FAM107A: variants seen among roughly 807,000 people sequenced by gnomAD.
FAM107A encodes the protein actin-associated protein FAM107A.
Under a neutral mutation model 13.7 loss-of-function variants are expected in FAM107A, and 19 were observed. That is an observed-to-expected ratio of 1.38 (90% confidence interval 0.97 to 2.03). The LOEUF (loss-of-function observed/expected upper bound fraction) is 2.03. Ranked by LOEUF, FAM107A falls within the 30% of genes most tolerant of loss-of-function variation. The pLI is 0.00. For synonymous variants in FAM107A, 82 were observed against 74.5 expected (o/e 1.10, Z -0.52); for missense variants, 203 against 184.4 (o/e 1.10, Z -0.58).
At chr3:58,620,878 T>C (rs1218378501) in intron 1 of FAM107A, among the ~76,000 whole-genome samples, 1 of 152,202 alleles carries the variant, frequency 6.6e-6, no homozygotes. Flanking sequence ...CTGTGCCCTT[T>C]CCTGCCTCCA....
chr3:58,615,327 C>G (rs2065891592), intron 1 of FAM107A, among the ~76,000 whole-genome samples: 1 of 152,094 alleles, frequency 6.6e-6, no homozygotes, highest in South Asian at 2.1e-4. Flanking sequence ...TGACATTTAG[C>G]TCAGTAAGTC....
Position 58,569,966 on chromosome 3 carries a change from T to C in FAM107A, c.-5-101A>G. The C allele has an allele frequency of 8.3e-7, 1 of 1,208,548 alleles. No homozygotes were observed. 74.9% of individuals were successfully genotyped at this position (1,208,548 alleles called of 1,614,324 possible). A position where few individuals can be genotyped will look rare whatever the true frequency, so the allele number is the denominator to read the frequency against. On this transcript the variant is annotated intron_variant, in intron 1 of 3. Transcript: ENST00000360997. The surrounding 1 kb of genome is among the most constrained non-coding windows in gnomAD (Gnocchi z 5.7). Reference sequence around the variant, plus strand: ...GCAAGGTTTTCATGTCAGATGGACCTTGGCCACCTGCTACTGCGCATACCT... The same window carrying C: ...GCAAGGTTTTCATGTCAGATGGACCCTGGCCACCTGCTACTGCGCATACCT...
chr3:58,618,392 C>T (rs578101506), intron 1 of FAM107A, among the ~76,000 whole-genome samples: 80 of 152,352 alleles, frequency 5.3e-4, no homozygotes, highest in Non-Finnish European at 1.0e-3. Flanking sequence ...CGAAGAATGA[C>T]TGTTGCTGCC....
chr3:58,569,918 G>C lies in FAM107A; in HGVS notation c.-5-53C>G, dbSNP rs1286165594. On this transcript the variant is annotated intron_variant, in intron 1 of 3. Coordinates refer to ENST00000360997, the MANE Select transcript of FAM107A (RefSeq NM_001076778.3). The surrounding 1 kb of genome is among the most constrained non-coding windows in gnomAD (Gnocchi z 5.7). The stretch of plus-strand genomic sequence containing the variant: ...AGAGCTGAGCCTATAATCTCACCCT[G>C]CCCCATGGGACACAGTTGAAGGGCA... 3 of 1,554,180 alleles carry C rather than the reference G, an allele frequency of 1.9e-6. No individual in the cohort carries two copies. Among genetic ancestry groups the C allele is most frequent in the Non-Finnish European group, 1.7e-6 (2 of 1,145,052 alleles).
chr3:58,598,504 C>A (rs1369831215), intron 1 of FAM107A, among the ~76,000 whole-genome samples: 1 of 152,206 alleles, frequency 6.6e-6, no homozygotes, highest in Non-Finnish European at 1.5e-5. Flanking sequence ...CCACCCACCC[C>A]CCAGCAGGCA....
chr3:58,625,988 T>C (rs2066011060), intron 1 of FAM107A, among the ~76,000 whole-genome samples: 1 of 152,146 alleles, frequency 6.6e-6, no homozygotes, highest in Non-Finnish European at 1.5e-5. Context: ...ACAGGCATCA[T>C]CTTGTTGAAC....
intron 1 of FAM107A, among the ~76,000 whole-genome samples, chr3:58,576,765 A>G (rs182181313): frequency 6.6e-5 from 10 of 152,356 alleles, no homozygotes; most frequent in African/African-American, 2.4e-4. Context: ...CTAAGCACCT[A>G]GCAGCCATAT....
chr3:58,602,054 A>G (rs1443637163), intron 1 of FAM107A, among the ~76,000 whole-genome samples: 2 of 152,028 alleles, frequency 1.3e-5, no homozygotes, highest in Non-Finnish European at 2.9e-5. Context: ...TATGAGGCAG[A>G]GCTTTGAGAG....
At chr3:58,587,237 A>G, upstream of FAM107A, 4 of 589,754 alleles carry the variant, frequency 6.8e-6, no homozygotes, top group Non-Finnish European at 9.8e-6. Flanking sequence ...CAGTGTCCTG[A>G]CTTCCAGCCT....
chr3:58,619,872 G>A (rs2065936724), intron 1 of FAM107A, among the ~76,000 whole-genome samples: 1 of 152,152 alleles, frequency 6.6e-6, no homozygotes, highest in Admixed American at 6.5e-5. Context: ...TGTGTGTGTG[G>A]TGGGGAGGTG....
intron 1 of FAM107A, among the ~76,000 whole-genome samples, chr3:58,626,162 A>T (rs1355534237): frequency 6.6e-6 from 1 of 152,028 alleles, no homozygotes; most frequent in Non-Finnish European, 1.5e-5. Context: ...AGCAGTGAGC[A>T]CGTAGGACAA....
intron 1 of FAM107A, among the ~76,000 whole-genome samples, chr3:58,618,276 C>A (rs1036815709): frequency 2.0e-5 from 3 of 152,194 alleles, no homozygotes; most frequent in African/African-American, 7.2e-5. Flanking sequence ...CTGAGCCCTT[C>A]ATGGCTGTGA....
chr3:58,583,145 T>G (rs2065566796), intron 1 of FAM107A, among the ~76,000 whole-genome samples: 1 of 152,146 alleles, frequency 6.6e-6, no homozygotes, highest in Admixed American at 6.5e-5. Flanking sequence ...AATTAAAGAC[T>G]AGAGTCAGAA....
chr3:58,588,315 C>T (rs985419308), upstream of FAM107A, among the ~76,000 whole-genome samples: 3 of 152,252 alleles, frequency 2.0e-5, no homozygotes, highest in Admixed American at 6.5e-5. Context: ...CCTCCCTTTG[C>T]GGCCTGTTAC....
intron 2 of FAM107A, among the ~76,000 whole-genome samples, chr3:58,568,750 T>A (rs1273684172): frequency 6.6e-6 from 1 of 152,182 alleles, no homozygotes; most frequent in East Asian, 1.9e-4. Context: ...AATACCAGAA[T>A]CGGCCAGCAG....
rs1033041865 is a variant in FAM107A at position 58,615,497 on chromosome 3, G to C, written c.-70+11919C>G. Among the ~76,000 whole-genome samples, 23 of 152,350 alleles carry C rather than the reference G, an allele frequency of 1.5e-4. No homozygotes were observed. The East Asian group carries it at 4.0e-3, about 27-fold the overall frequency. On this transcript the variant is annotated intron_variant, in intron 1 of 3. Coordinates refer to the FAM107A transcript ENST00000465970. ...GACAACATGCTGATGGGGAAAGCTA[G>C]ATTTGAGACAGTTAAATAACCAAAG...
At chr3:58,607,902 T>G (rs1390740564) in intron 1 of FAM107A, 1 of 152,220 alleles carries the variant, frequency 6.6e-6, no homozygotes, top group Non-Finnish European at 1.5e-5. Context: ...ACAGTTCAAC[T>G]CATGCCTTGA....
chr3:58,602,954 A>C (rs6793721), intron 1 of FAM107A, among the ~76,000 whole-genome samples: 7,284 of 152,278 alleles, frequency 0.048, 239 homozygotes, highest in Middle Eastern at 0.075. Context: ...TATGTGAATA[A>C]TGTTTGGAAG....
chr3:58,584,217 C>T (rs2065579126), intron 1 of FAM107A, among the ~76,000 whole-genome samples: 1 of 152,148 alleles, frequency 6.6e-6, no homozygotes, highest in Admixed American at 6.5e-5. Flanking sequence ...ATCTGAGCCT[C>T]GGTTTCCTCA....
Sources: allele counts gnomAD v4.1 joint callset (sites outside exome capture counted in the v4.1 genomes callset), GRCh38; gene constraint gnomAD v4.1.1; non-coding constraint Gnocchi (gnomAD v3.1); transcripts MANE v1.5; gene names NCBI Gene and HGNC (gene_info 2026-07-23, HGNC 2026-07-21).